The following PCDH15 variants were observed in gnomAD, a reference collection of about 807,000 sequenced individuals.
PCDH15 encodes protocadherin-15.
A neutral mutation model predicts 178.5 loss-of-function variants in PCDH15; 129 were observed. The observed-to-expected ratio is 0.72, with a 90% CI of 0.63 to 0.84. The LOEUF is 0.84. Among genes scored for constraint, PCDH15 ranks in the 40% least tolerant of loss-of-function variants. PCDH15 has a pLI of 0.00. For missense variants in PCDH15, 2,230 were observed against 2,099.9 expected (o/e 1.06, Z -1.21); for synonymous variants, 800 against 732.0 (o/e 1.09, Z -1.50).
intron 2 of PCDH15, among the ~76,000 whole-genome samples, chr10:55,469,703 T>C (rs1839915473): frequency 1.3e-5 from 2 of 152,034 alleles, no homozygotes; most frequent in Admixed American, 6.6e-5. Context: ...GGGGTTTTCA[T>C]TTAACTATTT....
At chr10:54,209,237 G>C (rs897331603) in intron 10 of PCDH15, among the ~76,000 whole-genome samples, 2 of 151,972 alleles carry the variant, frequency 1.3e-5, no homozygotes, top group African/African-American at 4.8e-5. Context: ...ATTGTAAATT[G>C]GCTTGAAGGC....
At chr10:55,136,346 A>G (rs1262349587) in intron 2 of PCDH15, among the ~76,000 whole-genome samples, 3 of 152,094 alleles carry the variant, frequency 2.0e-5, no homozygotes, top group Non-Finnish European at 4.4e-5. Flanking sequence ...GAGTAAATAT[A>G]TATTTTTTTA....
At chr10:54,865,537 C>A (rs996263710) in intron 3 of PCDH15, among the ~76,000 whole-genome samples, 30 of 152,078 alleles carry the variant, frequency 2.0e-4, no homozygotes, top group Non-Finnish European at 4.0e-4. Flanking sequence ...TCTTAATAAA[C>A]TCCCTCACTA....
intron 2 of PCDH15, chr10:54,655,094 C>A (rs1336243748): frequency 1.3e-5 from 2 of 152,532 alleles, no homozygotes; most frequent in Non-Finnish European, 2.9e-5. Flanking sequence ...GCCTGTGGTC[C>A]TAGCTACTCG....
intron 2 of PCDH15, among the ~76,000 whole-genome samples, chr10:55,335,724 AT>A (rs557282297): frequency 0.01 from 1,529 of 152,172 alleles, 25 homozygotes; most frequent in African/African-American, 0.035. Context: ...ATAAACTATG[AT>A]TTTTTTTAAT....
chr10:55,175,130 C>T (rs1173435876), intron 1 of PCDH15, among the ~76,000 whole-genome samples: 3 of 152,020 alleles, frequency 2.0e-5, no homozygotes, highest in Non-Finnish European at 4.4e-5. Flanking sequence ...CTAAATGGGA[C>T]CCCAAAGAAG....
intron 2 of PCDH15, among the ~76,000 whole-genome samples, chr10:54,585,983 A>G (rs1302938845): frequency 6.6e-6 from 1 of 152,136 alleles, no homozygotes; most frequent in Non-Finnish European, 1.5e-5. Flanking sequence ...CTGCCCGAGA[A>G]GGGACAATAA....
rs150013958 is a variant in PCDH15 at position 54,905,300 on chromosome 10, C to A, written c.-79-7800G>T. ...GGCACAGGCTTTAATCCTTAAAATT[C>A]TTTTAATCATTATTTTATCATCATA... On this transcript the variant is annotated intron_variant, in intron 2 of 5. Transcript: ENST00000458638. Among the ~76,000 whole-genome samples, 7 of 152,106 alleles carry A rather than the reference C, an allele frequency of 4.6e-5. No individual in the cohort carries two copies. In the South Asian group the frequency reaches 8.3e-4, roughly 18 times the overall value.
chr10:55,234,753 C>G (rs934936229), intron 1 of PCDH15, among the ~76,000 whole-genome samples: 8 of 151,892 alleles, frequency 5.3e-5, no homozygotes, highest in African/African-American at 1.9e-4. Context: ...AAATATTTGC[C>G]TAATAGAATC....
At chr10:54,705,316 T>TA (rs1415552171) in intron 1 of PCDH15, among the ~76,000 whole-genome samples, 42 of 151,800 alleles carry the variant, frequency 2.8e-4, no homozygotes, top group African/African-American at 7.7e-4. Flanking sequence ...CTAAAATAAT[T>TA]AAAAAAAATA....
chr10:54,861,946 G>A (rs1953851086), intron 3 of PCDH15, among the ~76,000 whole-genome samples: 2 of 152,126 alleles, frequency 1.3e-5, no homozygotes, highest in African/African-American at 4.8e-5. Context: ...TACACCTTCA[G>A]TTAACTTTAG....
chr10:55,552,725 T>A (rs1015904484), intron 2 of PCDH15, among the ~76,000 whole-genome samples: 1 of 151,376 alleles, frequency 6.6e-6, no homozygotes, highest in Non-Finnish European at 1.5e-5. Context: ...TTGAAAATAT[T>A]AACTAATGCA....
intron 26 of PCDH15, among the ~76,000 whole-genome samples, chr10:53,882,508 C>A (rs368593879): frequency 6.6e-6 from 1 of 152,082 alleles, no homozygotes; most frequent in Non-Finnish European, 1.5e-5. Context: ...ATTACAGGCA[C>A]GCGCCACCAC....
intron 1 of PCDH15, among the ~76,000 whole-genome samples, chr10:54,666,228 A>G (rs1160268646): frequency 1.3e-5 from 2 of 152,094 alleles, no homozygotes; most frequent in East Asian, 1.9e-4. Flanking sequence ...TCTTAAATAC[A>G]GATTTACTCA....
chr10:53,829,657 A>G (rs1458427952), intron 30 of PCDH15, among the ~76,000 whole-genome samples: 1 of 152,182 alleles, frequency 6.6e-6, no homozygotes, highest in African/African-American at 2.4e-5. Flanking sequence ...ATCAACCTTA[A>G]TGCTGTATTT....
chr10:55,122,758 T>C (rs983697100), intron 2 of PCDH15, among the ~76,000 whole-genome samples: 1 of 152,104 alleles, frequency 6.6e-6, no homozygotes, highest in African/African-American at 2.4e-5. Flanking sequence ...ACAAATCTTA[T>C]AAAATGTAAA....
chr10:55,238,219 G>A (rs974923942), intron 1 of PCDH15, among the ~76,000 whole-genome samples: 1 of 144,214 alleles, frequency 6.9e-6, no homozygotes, highest in Non-Finnish European at 1.5e-5. Context: ...GCGCGATCTC[G>A]GCTCACTGCA....
chr10:55,085,505 C>A (rs527545965), intron 2 of PCDH15, among the ~76,000 whole-genome samples: 1 of 151,868 alleles, frequency 6.6e-6, no homozygotes, highest in African/African-American at 2.4e-5. Context: ...ATGTTTATAA[C>A]ACAAAGAAAG....
chr10:54,211,047 T>C (rs188527475), intron 10 of PCDH15, among the ~76,000 whole-genome samples: 236 of 152,244 alleles, frequency 1.6e-3, no homozygotes, highest in African/African-American at 5.2e-3. Context: ...AGTATAAATA[T>C]ATCAACTAAT....
Sources: allele counts gnomAD v4.1 joint callset (sites outside exome capture counted in the v4.1 genomes callset), GRCh38; gene constraint gnomAD v4.1.1; transcripts MANE v1.5; gene names NCBI Gene and HGNC (gene_info 2026-07-23, HGNC 2026-07-21).